ARHGAP35: variants seen among roughly 807,000 people sequenced by gnomAD.
ARHGAP35 encodes the protein rho GTPase-activating protein 35.
ARHGAP35 carries 15 observed loss-of-function variants against 111.1 expected under a neutral mutation model. The ratio of observed to expected loss-of-function variants is 0.13; its 90% CI spans 0.09 to 0.21. ARHGAP35 has a LOEUF of 0.21. Ranked by LOEUF, ARHGAP35 falls within the 10% of genes least tolerant of loss-of-function variation. The pLI is 1.00. For synonymous variants in ARHGAP35, 643 were observed against 710.3 expected, an observed-to-expected ratio of 0.91 and a Z score of 1.51; for missense variants, 1,262 against 1,873.0, an observed-to-expected ratio of 0.67 and a Z score of 6.02.
intron 1 of ARHGAP35, among the ~76,000 whole-genome samples, chr19:46,890,906 A>G (rs1407130217): frequency 1.3e-5 from 2 of 152,168 alleles, no homozygotes; most frequent in African/African-American, 4.8e-5. Flanking sequence ...ACTGGACTGG[A>G]CCCTTGGACT....
chr19:46,999,486 T>C lies in ARHGAP35; in HGVS notation c.4142+77T>C. ...GGGTCAGTGTGTCGCAGAACAAGGCTCTGTCCACAAGCCAGTAGAAGCCTC... is the reference window on the plus strand; with the variant it reads ...GGGTCAGTGTGTCGCAGAACAAGGCCCTGTCCACAAGCCAGTAGAAGCCTC... On this transcript the variant is annotated intron_variant, in intron 6 of 6. Coordinates refer to ENST00000672722, the MANE Select transcript of ARHGAP35 (RefSeq NM_004491.5). This position sits in a 1 kb window ranked among gnomAD's most constrained non-coding sequence, Gnocchi z 5.4. 9.9e-7 allele frequency: 1 copy of C among 1,008,832 alleles called. No homozygotes were observed. Among genetic ancestry groups the C allele is most frequent in the Non-Finnish European group, 1.5e-6 (1 of 669,890 alleles). 62.5% of individuals were successfully genotyped at this position (1,008,832 alleles called of 1,614,324 possible). A position where few individuals can be genotyped will look rare whatever the true frequency, so the allele number is the denominator to read the frequency against.
chr19:46,962,117 C>A (rs184121423), intron 3 of ARHGAP35, among the ~76,000 whole-genome samples: 1 of 152,302 alleles, frequency 6.6e-6, no homozygotes, highest in East Asian at 1.9e-4. Context: ...GCTGTTTACA[C>A]AAGTGTGGTC....
chr19:46,997,332 G>T (rs973079349), intron 5 of ARHGAP35, among the ~76,000 whole-genome samples: 1 of 152,132 alleles, frequency 6.6e-6, no homozygotes, highest in Non-Finnish European at 1.5e-5. Flanking sequence ...CAAGGCCACA[G>T]ATTTGCCAGG....
intron 3 of ARHGAP35, among the ~76,000 whole-genome samples, chr19:46,944,311 A>AG (rs1259999508): frequency 6.6e-6 from 1 of 152,078 alleles, no homozygotes; most frequent in Non-Finnish European, 1.5e-5. Context: ...AAAAAAAAAA[A>AG]AAAAAGTAAT....
intron 1 of ARHGAP35, among the ~76,000 whole-genome samples, chr19:46,911,980 T>A (rs536286280): frequency 3.9e-5 from 6 of 152,252 alleles, no homozygotes; most frequent in African/African-American, 1.4e-4. Flanking sequence ...AGCATTGGGT[T>A]TTAAGAAAAT....
intron 3 of ARHGAP35, among the ~76,000 whole-genome samples, chr19:46,971,381 G>A (rs992116678): frequency 6.6e-5 from 10 of 151,786 alleles, no homozygotes; most frequent in South Asian, 4.2e-4. Flanking sequence ...ACTCCAGCCC[G>A]GGCGACAGAG....
Position 46,967,059 on chromosome 19 carries a change from A to G in ARHGAP35, c.3827-20930A>G, listed in dbSNP as rs970286038. 2.0e-5 allele frequency among the ~76,000 whole-genome samples: 3 copies of G among 151,992 alleles called. No homozygotes were observed. The East Asian group carries it at 5.8e-4, about 29-fold the overall frequency. On this transcript the variant is annotated intron_variant, in intron 3 of 6. Transcript: ENST00000672722. ...CTGACCACGTAGCCATATTGCCCTA[A>G]AATCCTTTGAACGTCAGCCTCCAGC...
In ARHGAP35 at chr19:46,921,456, C is replaced by T; in HGVS notation, c.2781C>T (p.Pro927=). The stretch of plus-strand genomic sequence containing the variant: ...TCACAAGCATCCCCTGTAGCCAACC[C>T]CAGCATAAACTTGAGATCTTTCACC... The part of the protein sequence containing the change: ...GRFTSIPCSQ[P]QHKLEIFHPF... The change falls in exon 2 of 7, where the codon CCC becomes CCT. Residue 927 remains proline (P), a synonymous_variant. Transcript: ENST00000672722. This position sits in a 1 kb window ranked among gnomAD's most constrained non-coding sequence, Gnocchi z 4.3. 1.2e-6 allele frequency: 2 copies of T among 1,613,790 alleles called. No individual in the cohort carries two copies. The highest frequency in any genetic ancestry group is 1.7e-6 in the Non-Finnish European group (2 of 1,179,856).
chr19:46,888,310 AT>A (rs1568461135), intron 1 of ARHGAP35, among the ~76,000 whole-genome samples: 44 of 64,410 alleles, frequency 6.8e-4, no homozygotes, highest in African/African-American at 1.5e-3. Context: ...ATATATATAT[AT>A]ATATATAAAA....
At chr19:46,894,413 T>A (rs2056042274) in intron 1 of ARHGAP35, among the ~76,000 whole-genome samples, 1 of 151,896 alleles carries the variant, frequency 6.6e-6, no homozygotes, top group Non-Finnish European at 1.5e-5. Context: ...TAGATGTAAT[T>A]GACTTTGGTT....
intron 1 of ARHGAP35, among the ~76,000 whole-genome samples, chr19:46,896,165 G>A (rs1453831300): frequency 6.6e-6 from 1 of 152,036 alleles, no homozygotes; most frequent in African/African-American, 2.4e-5. Flanking sequence ...AGCACTTTGG[G>A]AGGCCTAGGT....
rs36048282 is a variant in ARHGAP35 at position 46,869,476 on chromosome 19, TTGTGTGTGTGTGTGTGTGTGTGTG to T, written c.-189+8277_-189+8300del. Among the ~76,000 whole-genome samples, 16 of 144,312 alleles carry T rather than the reference TTGTGTGTGTGTGTGTGTGTGTGTG, an allele frequency of 1.1e-4. No individual in the cohort carries two copies. The South Asian group carries it at 2.7e-3, about 24-fold the overall frequency. The allele number at this position is 144,312 out of a possible 152,430, so 94.7% of individuals were successfully genotyped here. A position where few individuals can be genotyped will look rare whatever the true frequency, so the allele number is the denominator to read the frequency against. ...TGAGACCTTGTCTCAAGAAAAAAAA[TTGTGTGTGTGTGTGTGTGTGTGTG>T]TGTGTGTGTATTTGCATTGTGTGTG... On this transcript the variant is annotated intron_variant, in intron 1 of 6. Coordinates refer to ENST00000672722, the MANE Select transcript of ARHGAP35 (RefSeq NM_004491.5).
At position 46,919,764 on chromosome 19, in the gene ARHGAP35, C is replaced by T. The variant is rs755745710; in HGVS notation, c.1089C>T (p.Cys363=). The change falls in exon 2 of 7, where the codon TGC becomes TGT. Residue 363 remains cysteine, a synonymous_variant. Coordinates refer to ENST00000672722, the MANE Select transcript of ARHGAP35 (RefSeq NM_004491.5). The surrounding 1 kb of genome is among the most constrained non-coding windows in gnomAD (Gnocchi z 6.2). ...PNLDEIDHLS[C]IKAKKLLETK... ...TAGATGAAATAGACCACCTAAGCTG[C>T]ATAAAAGCCAAAAAGCTCTTAGAAA... 7 of 1,614,030 alleles carry T rather than the reference C, an allele frequency of 4.3e-6. No homozygotes were observed. The highest frequency in any genetic ancestry group is 1.6e-4 in the Middle Eastern group (1 of 6,062).
chr19:46,916,878 G>A (rs2056167312), intron 1 of ARHGAP35, among the ~76,000 whole-genome samples: 1 of 151,910 alleles, frequency 6.6e-6, no homozygotes, highest in Non-Finnish European at 1.5e-5. Context: ...CCTAAAAGTG[G>A]AGACATTTTC....
intron 2 of ARHGAP35, among the ~76,000 whole-genome samples, chr19:46,934,848 T>A (rs1030070442): frequency 8.1e-5 from 12 of 148,908 alleles, no homozygotes; most frequent in African/African-American, 3.0e-4. Context: ...TGTTTTTGTA[T>A]TTTTTGTAGA....
rs2056209997 is a variant in ARHGAP35, at chr19:46,922,573, G to A, written c.3681+217G>A. On this transcript the variant is annotated intron_variant, in intron 2 of 6. Coordinates refer to ENST00000672722, the MANE Select transcript of ARHGAP35 (RefSeq NM_004491.5). This position sits in a 1 kb window ranked among gnomAD's most constrained non-coding sequence, Gnocchi z 4.0. ...TGGATAGATAGTCTGAGTTGTTGTT[G>A]CCTAAAACAATAGTTAATTAATTAG... Among the ~76,000 whole-genome samples, 1 of 152,126 alleles carries A rather than the reference G, an allele frequency of 6.6e-6. No homozygotes were observed. The highest frequency in any genetic ancestry group is 1.9e-4 in the East Asian group (1 of 5,194).
chr19:46,876,902 A>G (rs1441621225), intron 1 of ARHGAP35, among the ~76,000 whole-genome samples: 1 of 152,188 alleles, frequency 6.6e-6, no homozygotes, highest in Non-Finnish European at 1.5e-5. Flanking sequence ...GCAATAAAGC[A>G]TATATGGCAA....
chr19:46,999,359 T>C lies in ARHGAP35; in HGVS notation c.4092T>C (p.Phe1364=). 6.3e-7 allele frequency: 1 copy of C among 1,596,788 alleles called. No individual in the cohort carries two copies. Among genetic ancestry groups the C allele is most frequent in the Non-Finnish European group, 8.5e-7 (1 of 1,171,846 alleles). ...LHALKEVLKK[F]PKENHEVFKY... The stretch of plus-strand genomic sequence containing the variant: ...CCCTTAAGGAGGTATTAAAGAAATT[T>C]CCAAAGGAAAACCACGAAGTCTTCA... Residue 1364 remains phenylalanine, a synonymous_variant, in exon 6 of 7, where the codon TTT becomes TTC. Coordinates refer to ENST00000672722, the MANE Select transcript of ARHGAP35 (RefSeq NM_004491.5). The surrounding 1 kb of genome is among the most constrained non-coding windows in gnomAD (Gnocchi z 5.4).
intron 1 of ARHGAP35, among the ~76,000 whole-genome samples, chr19:46,880,864 T>G (rs566846411): frequency 6.6e-6 from 1 of 151,530 alleles, no homozygotes; most frequent in Admixed American, 6.6e-5. Context: ...TTTTAAGAGA[T>G]GGAGTCTTAC....
Sources: gnomAD v4.1 joint callset for allele counts (sites outside exome capture counted in the v4.1 genomes callset) on GRCh38, gnomAD v4.1.1 for gene constraint, Gnocchi (gnomAD v3.1) non-coding constraint, MANE v1.5 for transcripts, NCBI Gene and HGNC (gene_info 2026-07-23, HGNC 2026-07-21) for gene names.